SEMA6A: variants seen among roughly 807,000 people sequenced by gnomAD.
SEMA6A encodes the protein semaphorin 6A, also known as semaphorin-6A.
SEMA6A carries 25 observed loss-of-function variants against 96.8 expected under a neutral mutation model. The observed-to-expected ratio is 0.26, with a 90% CI of 0.19 to 0.36. SEMA6A has a LOEUF of 0.36. SEMA6A is among the 10% of genes least tolerant of loss of function. SEMA6A has a pLI of 1.00. For missense variants in SEMA6A, 1,363 were observed against 1,323.1 expected (o/e 1.03, Z -0.47); for synonymous variants, 612 against 518.0 (o/e 1.18, Z -2.46).
chr5:116,471,214 T>C (rs905868902), intron 17 of SEMA6A: 1 of 152,172 alleles, frequency 6.6e-6, no homozygotes. Context: ...TGAAAATGAA[T>C]GAGCATCATC....
At chr5:116,552,751 C>T (rs1318005762) in intron 1 of SEMA6A, among the ~76,000 whole-genome samples, 8 of 152,152 alleles carry the variant, frequency 5.3e-5, no homozygotes, top group African/African-American at 1.9e-4. Context: ...ACTAATGGGG[C>T]ACTTTTACAA....
chr5:116,521,593 T>C (rs1467295763), intron 1 of SEMA6A, among the ~76,000 whole-genome samples: 1 of 152,154 alleles, frequency 6.6e-6, no homozygotes, highest in Non-Finnish European at 1.5e-5. Context: ...GCACTGCAGC[T>C]CTTCTTCAAT....
rs1754223650 is a variant in SEMA6A, at chr5:116,446,580, G to C, written c.*33C>G. On this transcript the variant is annotated 3_prime_UTR_variant, in exon 19 of 19. Coordinates refer to ENST00000343348, the MANE Select transcript of SEMA6A (RefSeq NM_020796.5). ...GCTGAGCGGGCACCTCGCCTTGCCT[G>C]CTGGTTCGACACCTGACCCCCTCCC... The C allele has an allele frequency of 6.9e-7, 1 of 1,451,328 alleles. No homozygotes were observed. Among genetic ancestry groups the C allele is most frequent in the Non-Finnish European group, 9.1e-7 (1 of 1,097,018 alleles). 89.9% of individuals were successfully genotyped at this position (1,451,328 alleles called of 1,614,324 possible). A position where few individuals can be genotyped will look rare whatever the true frequency, so the allele number is the denominator to read the frequency against.
chr5:116,534,192 T>A, intron 1 of SEMA6A, among the ~76,000 whole-genome samples: 1 of 152,258 alleles, frequency 6.6e-6, no homozygotes, highest in Non-Finnish European at 1.5e-5. Flanking sequence ...CTGGATCCTA[T>A]GGCTTTATCT....
chr5:116,571,726 A>G (rs78262765), intron 1 of SEMA6A, among the ~76,000 whole-genome samples: 2,313 of 152,340 alleles, frequency 0.015, 61 homozygotes, highest in African/African-American at 0.053. Context: ...CACTGTATTT[A>G]AGGTTAGGTT....
At chr5:116,496,974 A>G (rs1432689448) in intron 4 of SEMA6A, among the ~76,000 whole-genome samples, 3 of 152,260 alleles carry the variant, frequency 2.0e-5, no homozygotes, top group Non-Finnish European at 2.9e-5. Context: ...AGACATGGAA[A>G]TATAACATTG....
At chr5:116,512,694 C>G (rs1464901188) in intron 1 of SEMA6A, among the ~76,000 whole-genome samples, 1 of 152,062 alleles carries the variant, frequency 6.6e-6, no homozygotes, top group Non-Finnish European at 1.5e-5. Flanking sequence ...CTCTACCCAC[C>G]ACCCCCACCC....
intron 1 of SEMA6A, among the ~76,000 whole-genome samples, chr5:116,527,958 CAAAG>C (rs1354907832): frequency 2.0e-5 from 3 of 152,014 alleles, no homozygotes; most frequent in Non-Finnish European, 4.4e-5. Context: ...GAGAACCAAA[CAAAG>C]GAAGGAAAAC....
chr5:116,518,457 C>T (rs1185226753), intron 1 of SEMA6A, among the ~76,000 whole-genome samples: 2 of 152,202 alleles, frequency 1.3e-5, no homozygotes, highest in Non-Finnish European at 2.9e-5. Context: ...AATAGCACAG[C>T]AATCACTTTA....
At chr5:116,497,894 A>C (rs1054316511) in intron 3 of SEMA6A, among the ~76,000 whole-genome samples, 1 of 152,238 alleles carries the variant, frequency 6.6e-6, no homozygotes, top group African/African-American at 2.4e-5. Context: ...AGGATGGATG[A>C]CGACAAAGGT....
intron 1 of SEMA6A, among the ~76,000 whole-genome samples, chr5:116,534,654 TC>T (rs1759632011): frequency 6.6e-6 from 1 of 152,238 alleles, no homozygotes; most frequent in Non-Finnish European, 1.5e-5. Flanking sequence ...CCCCGTTCTC[TC>T]CTTTCATACT....
intron 1 of SEMA6A, among the ~76,000 whole-genome samples, chr5:116,561,448 T>G (rs774804953): frequency 2.0e-5 from 3 of 152,186 alleles, no homozygotes; most frequent in Non-Finnish European, 4.4e-5. Flanking sequence ...GTTGAGCACT[T>G]TAAACATGGC....
intron 1 of SEMA6A, among the ~76,000 whole-genome samples, chr5:116,553,585 C>G (rs773558939): frequency 6.6e-6 from 1 of 152,166 alleles, no homozygotes; most frequent in Non-Finnish European, 1.5e-5. Context: ...CTAGAACACA[C>G]TGTGCTATAA....
At position 116,460,544 on chromosome 5, in the gene SEMA6A, A is replaced by C. The variant is rs184732501; in HGVS notation, c.1894+7039T>G. Among the ~76,000 whole-genome samples, 5 of 152,260 alleles carry C rather than the reference A, an allele frequency of 3.3e-5. No individual in the cohort carries two copies. The East Asian group carries it at 9.6e-4, about 29-fold the overall frequency. ...CTCTCAGTTAATTCGGATAAACAAA[A>C]ATGTTTTAGTTAAAAGTATGTCCTA... On this transcript the variant is annotated intron_variant, in intron 18 of 18. Transcript: ENST00000343348.
chr5:116,489,820 T>G (rs946358663), intron 7 of SEMA6A, among the ~76,000 whole-genome samples: 9 of 152,364 alleles, frequency 5.9e-5, no homozygotes, highest in Middle Eastern at 3.4e-3. Flanking sequence ...GGTTCCTTCC[T>G]GGCTCAGCAA....
intron 18 of SEMA6A, among the ~76,000 whole-genome samples, chr5:116,463,405 T>TAAC (rs1327163749): frequency 6.6e-6 from 1 of 152,242 alleles, no homozygotes; most frequent in East Asian, 1.9e-4. Context: ...GAATTATTGA[T>TAAC]AACATCTGTG....
intron 1 of SEMA6A, among the ~76,000 whole-genome samples, chr5:116,565,866 C>T (rs116645630): frequency 1.3e-5 from 2 of 152,272 alleles, no homozygotes; most frequent in African/African-American, 2.4e-5. Context: ...TTTCCATTCA[C>T]CAGCTCAATC....
chr5:116,565,209 A>C (rs1760977743), intron 1 of SEMA6A, among the ~76,000 whole-genome samples: 1 of 152,236 alleles, frequency 6.6e-6, no homozygotes, highest in Admixed American at 6.5e-5. Flanking sequence ...ATGTGCACAT[A>C]ACAAGGTCCA....
At chr5:116,503,996 G>C (rs920101570) in intron 2 of SEMA6A, among the ~76,000 whole-genome samples, 3 of 152,170 alleles carry the variant, frequency 2.0e-5, no homozygotes, top group Non-Finnish European at 2.9e-5. Context: ...ATTGTTTTGT[G>C]TGTCAGTTTT....
Sources: allele counts gnomAD v4.1 joint callset (sites outside exome capture counted in the v4.1 genomes callset), GRCh38; gene constraint gnomAD v4.1.1; transcripts MANE v1.5; gene names NCBI Gene and HGNC (gene_info 2026-07-23, HGNC 2026-07-21).